Variants in CLPTM1 observed in about 807,000 individuals in gnomAD.
The protein encoded by CLPTM1 is putative lipid scramblase CLPTM1.
In CLPTM1, 21 loss-of-function variants were observed where a neutral mutation model predicts 77.3. The observed-to-expected ratio is 0.27, with a 90% CI of 0.19 to 0.39. CLPTM1 has a LOEUF of 0.39. CLPTM1 is among the 10% of genes least tolerant of loss of function. The probability of loss-of-function intolerance (pLI) is 1.00; values close to 1 mark genes in which losing one functional copy is unlikely to be tolerated. For synonymous variants in CLPTM1, 373 were observed against 381.0 expected (o/e 0.98, Z 0.24); for missense variants, 642 against 921.2 (o/e 0.70, Z 3.92).
At chr19:44,977,804 A>G (rs79422549) in intron 5 of CLPTM1, among the ~76,000 whole-genome samples, 1,761 of 152,290 alleles carry the variant, frequency 0.012, 33 homozygotes, top group African/African-American at 0.038. Context: ...TAGGGGCCTG[A>G]TAGAAGTAGA....
At chr19:44,962,884 T>G (rs1173517932) in intron 2 of CLPTM1, among the ~76,000 whole-genome samples, 1 of 151,686 alleles carries the variant, frequency 6.6e-6, no homozygotes, top group Non-Finnish European at 1.5e-5. Flanking sequence ...GCCAACATAG[T>G]GATACCCCAT....
chr19:44,962,033 C>T lies in CLPTM1; in HGVS notation c.143C>T (p.Pro48Leu), dbSNP rs781017565. Residue 48 changes from proline (P) to leucine (L), a missense_variant, in exon 2 of 14, where the codon CCG (proline) becomes CTG (leucine). Physicochemically the swap from Pro to Leu is moderately conservative, Grantham distance 98. Around this residue, in one of 2 missense-constraint regions of CLPTM1, gnomAD observed 121 missense variants for 120.8 expected, o/e 1.00. Coordinates refer to ENST00000337392, the MANE Select transcript of CLPTM1 (RefSeq NM_001294.4). ...CAGCCTCAGAACCCACCGGCCCAGC[C>T]GGCACCCAATGCCTGGCAGGTCATC... The part of the protein sequence containing the change: ...ETQPQNPPAQ[P>L]APNAWQVIKG... The T allele has an allele frequency of 8.9e-5, 144 of 1,611,882 alleles. No homozygotes were observed. Among genetic ancestry groups the T allele is most frequent in the East Asian group, 2.0e-4 (9 of 44,714 alleles).
chr19:44,972,529 A>C (rs139810036), intron 2 of CLPTM1, among the ~76,000 whole-genome samples: 3 of 152,146 alleles, frequency 2.0e-5, no homozygotes, highest in Non-Finnish European at 2.9e-5. Context: ...GATTACAGGC[A>C]TGAGCCGCCG....
In CLPTM1 at chr19:44,984,030, C is replaced by T. The variant is rs539717718; in HGVS notation, c.587-1188C>T. 9.7e-4 allele frequency among the ~76,000 whole-genome samples: 148 copies of T among 152,386 alleles called. 1 individual carries two copies. Among genetic ancestry groups the T allele is most frequent in the African/African-American group, 3.4e-3 (140 of 41,596 alleles). ...GAGATGGAGCGTGGGCACGCACAAG[C>T]CCCTTCCTCCCCGGCAGCATTTGGG... On this transcript the variant is annotated intron_variant, in intron 5 of 13. Coordinates refer to ENST00000337392, the MANE Select transcript of CLPTM1 (RefSeq NM_001294.4).
At chr19:44,983,732 G>A (rs941327474) in intron 5 of CLPTM1, among the ~76,000 whole-genome samples, 1 of 152,076 alleles carries the variant, frequency 6.6e-6, no homozygotes, top group Non-Finnish European at 1.5e-5. Flanking sequence ...GGAGGCCAAG[G>A]TGGGCAGATC....
chr19:44,973,220 G>A lies in CLPTM1; in HGVS notation c.309+10G>A, dbSNP rs747499816. On this transcript the variant is annotated intron_variant, in intron 3 of 13. Transcript: ENST00000337392. Reference sequence around the variant, plus strand: ...CAAAGACACTTTAATGGTAACTGCCGGGTGGTAGGGCAGACTTGGGAGGTG... The same window carrying A: ...CAAAGACACTTTAATGGTAACTGCCAGGTGGTAGGGCAGACTTGGGAGGTG... 1.6e-5 allele frequency: 26 copies of A among 1,613,864 alleles called. No homozygotes were observed. The highest frequency in any genetic ancestry group is 1.0e-4 in the Admixed American group (6 of 60,020).
chr19:44,985,397 T>A, intron 6 of CLPTM1, 94 bp downstream of exon 6: 1 of 839,608 alleles, frequency 1.2e-6, no homozygotes, highest in Non-Finnish European at 2.0e-6. Flanking sequence ...TCACCACCAC[T>A]GAACCACCAT....
chr19:44,955,367 C>A, upstream of CLPTM1: 1 of 501,560 alleles, frequency 2.0e-6, no homozygotes, highest in Non-Finnish European at 2.6e-6. Context: ...GCGGGGCTGG[C>A]GGCGGGGGCG....
Position 44,986,472 on chromosome 19 carries a change from GCC to G in CLPTM1, c.691_692del (p.Pro231CysfsTer43). 1 of 1,614,062 alleles carries G rather than the reference GCC, an allele frequency of 6.2e-7. No individual in the cohort carries two copies. Among genetic ancestry groups the G allele is most frequent in the Non-Finnish European group, 8.5e-7 (1 of 1,179,988 alleles). On this transcript the variant is annotated frameshift_variant, in exon 7 of 14. Coordinates refer to ENST00000337392, the MANE Select transcript of CLPTM1 (RefSeq NM_001294.4). LOFTEE classifies it high-confidence loss of function. ...EMIKRAEDYG[P>X]VEVISHWHPN... The stretch of plus-strand genomic sequence containing the variant: ...TGCCTCAGAGGGCTGAGGACTATGG[GCC>G]TGTGGAGGTGATCTCCCATTGGCAC...
chr19:44,973,271 G>C, intron 3 of CLPTM1, 61 bp downstream of exon 3: 1 of 1,609,402 alleles, frequency 6.2e-7, no homozygotes, highest in East Asian at 2.2e-5. Flanking sequence ...GTGGAATGTG[G>C]AGGAGTGATG....
At chr19:44,987,689 T>G in intron 8 of CLPTM1, 5 of 554,630 alleles carry the variant, frequency 9.0e-6, no homozygotes, top group Non-Finnish European at 1.6e-5. Flanking sequence ...TCCCAGACCT[T>G]GTGTCCCTGG....
chr19:44,955,808 G>T, intron 1 of CLPTM1: 1 of 263,590 alleles, frequency 3.8e-6, no homozygotes, highest in Non-Finnish European at 7.1e-6. Context: ...TCCTAGAGTG[G>T]TCTGGCGTTC....
chr19:44,986,128 A>G (rs994955873), intron 6 of CLPTM1, among the ~76,000 whole-genome samples: 2 of 152,062 alleles, frequency 1.3e-5, no homozygotes, highest in African/African-American at 4.8e-5. Flanking sequence ...CAGAAGGATC[A>G]CTTGAGCCCG....
In CLPTM1 at chr19:44,979,409, C is replaced by T. The variant is rs541723377; in HGVS notation, c.586+1949C>T. ...CTCAGAAAGCCCCCCATTCTTCTAA[C>T]GGGAGTTCTGTGTACTCCACCTAGC... On this transcript the variant is annotated intron_variant, in intron 5 of 13. Coordinates refer to ENST00000337392, the MANE Select transcript of CLPTM1 (RefSeq NM_001294.4). Among the ~76,000 whole-genome samples the T allele has an allele frequency of 3.3e-4, 50 of 152,210 alleles. 1 individual carries two copies. The South Asian group carries it at 9.3e-3, about 28-fold the overall frequency.
chr19:44,954,709 C>T (rs1248991329), upstream of CLPTM1: 17 of 1,206,088 alleles, frequency 1.4e-5, no homozygotes, highest in Non-Finnish European at 1.8e-5. Context: ...GAGGTTTGGA[C>T]CACTGAGGGA....
At position 44,992,455 on chromosome 19, in the gene CLPTM1, C is replaced by T; in HGVS notation, c.1723+55C>T. The T allele has an allele frequency of 6.2e-7, 1 of 1,608,676 alleles. No individual in the cohort carries two copies. Among genetic ancestry groups the T allele is most frequent in the African/African-American group, 1.3e-5 (1 of 74,900 alleles). ...CACCGGAACAGGGCCCTGAGGCAGT[C>T]TTTAGGGCCCAGGCCTGAGGGGGTG... On this transcript the variant is annotated intron_variant, in intron 13 of 13. Transcript: ENST00000337392. The surrounding 1 kb of genome is among the most constrained non-coding windows in gnomAD (Gnocchi z 7.7).
chr19:44,962,236 T>C (rs1340196768), intron 2 of CLPTM1, among the ~76,000 whole-genome samples, 161 bp downstream of exon 2: 2 of 152,160 alleles, frequency 1.3e-5, no homozygotes, highest in Admixed American at 6.5e-5. Context: ...TCTAAACCTT[T>C]TTTTTACTCT....
At position 44,961,943 on chromosome 19, in the gene CLPTM1, C is replaced by G; in HGVS notation, c.73-20C>G. ...CCCGTGTCCATTCTCCCTCCTTACCCTGGCCTCTGTCCCCCACAGGTGACC... is the reference window on the plus strand; with the variant it reads ...CCCGTGTCCATTCTCCCTCCTTACCGTGGCCTCTGTCCCCCACAGGTGACC... On this transcript the variant is annotated intron_variant, in intron 1 of 13. Transcript: ENST00000337392. The G allele has an allele frequency of 6.4e-7, 1 of 1,554,880 alleles. No homozygotes were observed. The highest frequency in any genetic ancestry group is 8.7e-7 in the Non-Finnish European group (1 of 1,147,628).
At chr19:44,987,470 G>T in intron 8 of CLPTM1, 47 bp downstream of exon 8, 1 of 1,603,216 alleles carries the variant, frequency 6.2e-7, no homozygotes, top group Non-Finnish European at 8.5e-7. Context: ...CTTCCTGGGC[G>T]CAAGAGGCCA....
Sources: allele counts gnomAD v4.1 joint callset (sites outside exome capture counted in the v4.1 genomes callset), GRCh38; gene constraint gnomAD v4.1.1; regional missense constraint gnomAD v4.1.1; non-coding constraint Gnocchi (gnomAD v3.1); transcripts MANE v1.5; gene names NCBI Gene and HGNC (gene_info 2026-07-23, HGNC 2026-07-21).